Variants in LNX1 observed in about 807,000 individuals in gnomAD.
LNX1 encodes the protein ligand of numb-protein X 1.
Under a neutral mutation model 68.4 loss-of-function variants are expected in LNX1, and 54 were observed. That is an observed-to-expected ratio of 0.79 (90% CI 0.63 to 0.99). The LOEUF is 0.99. LNX1 is among the 50% of genes least tolerant of loss of function. The pLI is 0.00. For synonymous variants in LNX1, 336 were observed against 350.0 expected (o/e 0.96, Z 0.45); for missense variants, 906 against 926.4 (o/e 0.98, Z 0.29).
rs201956700 is a variant in LNX1 at position 53,573,600 on chromosome 4, C to G, written c.380+23G>C. On this transcript the variant is annotated intron_variant, in intron 2 of 10. Coordinates refer to ENST00000263925, the MANE Select transcript of LNX1 (RefSeq NM_001126328.3). The stretch of plus-strand genomic sequence containing the variant: ...TGTCCCGCTTGGGGGTGGGACTTAC[C>G]GGCTCGCTGATGGGGGACCTACCTG... 51 of 1,569,744 alleles carry G rather than the reference C, an allele frequency of 3.2e-5. No individual in the cohort carries two copies. The African/African-American group carries it at 6.6e-4, about 20-fold the overall frequency.
At chr4:53,589,526 C>A (rs1253743174) in intron 1 of LNX1, among the ~76,000 whole-genome samples, 3 of 152,320 alleles carry the variant, frequency 2.0e-5, no homozygotes, top group East Asian at 1.9e-4. Context: ...CAGTTTAGCA[C>A]CAGTTAACAC....
chr4:53,592,591 T>C (rs746109210), upstream of LNX1, among the ~76,000 whole-genome samples: 1 of 152,200 alleles, frequency 6.6e-6, no homozygotes, highest in African/African-American at 2.4e-5. Flanking sequence ...GAGAGAATTT[T>C]TTTTCCCCTT....
At chr4:53,585,029 A>G (rs1306480360) in intron 1 of LNX1, among the ~76,000 whole-genome samples, 1 of 151,958 alleles carries the variant, frequency 6.6e-6, no homozygotes, top group Non-Finnish European at 1.5e-5. Flanking sequence ...GATGGTGGTA[A>G]AAGATCTACC....
chr4:53,582,210 G>A (rs1731878573), intron 1 of LNX1, among the ~76,000 whole-genome samples: 1 of 152,150 alleles, frequency 6.6e-6, no homozygotes, highest in Non-Finnish European at 1.5e-5. Flanking sequence ...CAAAACAGTA[G>A]AATTACAAAC....
rs760126360 is a variant in LNX1, at chr4:53,573,722, A to G, written c.281T>C (p.Val94Ala). Residue 94 changes from valine to alanine, a missense_variant, in exon 2 of 11, where the codon GTC (valine) becomes GCC (alanine). Coordinates refer to ENST00000263925, the MANE Select transcript of LNX1 (RefSeq NM_001126328.3). ...CAGTAGCTTGTTGAGGAGTTTGTTG[A>G]CCAGGATGCTGGACTTCTTGCAGTG... ...LQHCKKSSIL[V>A]NKLLNKLLVT... 2 of 1,611,272 alleles carry G rather than the reference A, an allele frequency of 1.2e-6. No individual in the cohort carries two copies. The highest frequency in any genetic ancestry group is 1.7e-6 in the Non-Finnish European group (2 of 1,178,786).
At chr4:53,541,559 G>T (rs2109661317) in intron 2 of LNX1, among the ~76,000 whole-genome samples, 1 of 152,124 alleles carries the variant, frequency 6.6e-6, no homozygotes, top group East Asian at 1.9e-4. Flanking sequence ...AAAAAGCAGG[G>T]ATCTATTCAG....
intron 1 of LNX1, among the ~76,000 whole-genome samples, chr4:53,583,552 G>GAAA (rs35922375): frequency 0.013 from 2,009 of 149,174 alleles, 53 homozygotes; most frequent in African/African-American, 0.047. Flanking sequence ...CAAAAATACA[G>GAAA]AAAAAAAAAA....
intron 1 of LNX1, among the ~76,000 whole-genome samples, chr4:53,647,285 C>A (rs1370901534): frequency 6.6e-6 from 1 of 152,172 alleles, no homozygotes; most frequent in African/African-American, 2.4e-5. Flanking sequence ...CATACACAAA[C>A]ACACACACAA....
chr4:53,646,584 C>T (rs199520931), intron 1 of LNX1, among the ~76,000 whole-genome samples: 52 of 152,304 alleles, frequency 3.4e-4, no homozygotes, highest in East Asian at 2.3e-3. Context: ...ATAGGACCAA[C>T]ATGGCCAGAG....
At position 53,485,434 on chromosome 4, in the gene LNX1, A is replaced by T. The variant is rs1369132032; in HGVS notation, c.1351-3580T>A. Among the ~76,000 whole-genome samples the T allele has an allele frequency of 2.0e-5, 3 of 152,228 alleles. No homozygotes were observed. In the East Asian group the frequency reaches 5.8e-4, roughly 29 times the overall value. On this transcript the variant is annotated intron_variant, in intron 6 of 10. Transcript: ENST00000263925. Reference sequence around the variant, plus strand: ...AGGCAAAATCCAAATTGCCAAGGAGAAGCCTGCAAGAACTATTTAATTCAC... The same window carrying T: ...AGGCAAAATCCAAATTGCCAAGGAGTAGCCTGCAAGAACTATTTAATTCAC...
At chr4:53,469,063 A>G (rs1722936503) in intron 9 of LNX1, among the ~76,000 whole-genome samples, 1 of 152,168 alleles carries the variant, frequency 6.6e-6, no homozygotes, top group Non-Finnish European at 1.5e-5. Flanking sequence ...CACCACACCT[A>G]TTCCATAACT....
At chr4:53,575,106 T>C (rs11133279) in intron 1 of LNX1, among the ~76,000 whole-genome samples, 90,335 of 151,784 alleles carry the variant, frequency 0.6, 27,234 homozygotes, top group Non-Finnish European at 0.63. Context: ...CTCAGCTTCC[T>C]GAGTAGCTGG....
intron 9 of LNX1, among the ~76,000 whole-genome samples, chr4:53,466,692 C>G (rs1253349603): frequency 3.3e-5 from 5 of 152,232 alleles, no homozygotes; most frequent in Admixed American, 2.0e-4. Context: ...GAGATTATAT[C>G]CCGCACCTGG....
In LNX1 at chr4:53,476,943, C is replaced by G; in HGVS notation, c.1702G>C (p.Glu568Gln). The change falls in exon 9 of 11, where the codon GAG (glutamate) becomes CAG (glutamine). Residue 568 changes from glutamate (E) to glutamine (Q), a missense_variant. Glu to Gln is a conservative substitution (Grantham distance 29). Coordinates refer to ENST00000263925, the MANE Select transcript of LNX1 (RefSeq NM_001126328.3). ...GCCACTGCCTCACTCCGGCTGACCT[C>G]TGTCAGTTCGACCCCATCCACATTC... ...LLNVDGVELTEVSRSEAVALL... is the reference protein window; with the variant it reads ...LLNVDGVELTQVSRSEAVALL... The G allele has an allele frequency of 6.2e-7, 1 of 1,614,210 alleles. No individual in the cohort carries two copies.
At chr4:53,650,735 A>C (rs1408708235) in intron 1 of LNX1, among the ~76,000 whole-genome samples, 1 of 151,926 alleles carries the variant, frequency 6.6e-6, no homozygotes, top group Admixed American at 6.6e-5. Context: ...CTCAACCCTA[A>C]CTCACACAGA....
chr4:53,629,468 C>T (rs1734190478), intron 1 of LNX1, among the ~76,000 whole-genome samples: 1 of 152,190 alleles, frequency 6.6e-6, no homozygotes, highest in Admixed American at 6.5e-5. Context: ...TGTCCCAGGC[C>T]CTGCCAAAGC....
rs770217051 is a variant in LNX1 at position 53,573,969 on chromosome 4, G to A, written c.34C>T (p.Pro12Ser). The A allele has an allele frequency of 1.2e-6, 2 of 1,613,034 alleles. No homozygotes were observed. The highest frequency in any genetic ancestry group is 2.7e-5 in the African/African-American group (2 of 74,898). Residue 12 changes from proline to serine, a missense_variant, in exon 2 of 11, where the codon CCC becomes TCC. Pro to Ser is a moderately conservative substitution (Grantham distance 74). Coordinates refer to ENST00000263925, the MANE Select transcript of LNX1 (RefSeq NM_001126328.3). ...NQPESANDPE[P>S]LCAVCGQAHS... ...GCTTGGCCACACACTGCACACAGGG[G>A]TTCAGGATCGTTGGCAGACTCTGGC...
intron 1 of LNX1, chr4:53,579,255 G>A (rs1343775607): frequency 5.1e-6 from 5 of 984,554 alleles, no homozygotes; most frequent in South Asian, 4.7e-5. Flanking sequence ...CCTTACGTAC[G>A]TGTATGATGG....
intron 1 of LNX1, among the ~76,000 whole-genome samples, chr4:53,647,975 G>T (rs1734950189): frequency 6.6e-6 from 1 of 152,218 alleles, no homozygotes; most frequent in Non-Finnish European, 1.5e-5. Flanking sequence ...TTATCCCATT[G>T]TATGTGTATA....
Sources: allele counts gnomAD v4.1 joint callset (sites outside exome capture counted in the v4.1 genomes callset), GRCh38; gene constraint gnomAD v4.1.1; transcripts MANE v1.5; gene names NCBI Gene and HGNC (gene_info 2026-07-23, HGNC 2026-07-21).